The following GKAP1 variants were observed in gnomAD, a reference collection of about 807,000 sequenced individuals.
GKAP1 encodes G kinase-anchoring protein 1.
In GKAP1, 31 loss-of-function variants were observed where a neutral mutation model predicts 56.7. That is an observed-to-expected ratio of 0.55 (90% CI 0.41 to 0.74). The LOEUF (loss-of-function observed/expected upper bound fraction) is 0.74, where lower values mean the gene tolerates loss of function less well. GKAP1 is among the 30% of genes least tolerant of loss of function. The probability of loss-of-function intolerance (pLI) is 0.00; values close to 1 mark genes in which losing one functional copy is unlikely to be tolerated. For missense variants in GKAP1, 364 were observed against 402.3 expected (o/e 0.90, Z 0.82); for synonymous variants, 151 against 138.6 (o/e 1.09, Z -0.63).
At chr9:83,783,181 T>A (rs1010490557) in intron 6 of GKAP1, among the ~76,000 whole-genome samples, 6 of 152,218 alleles carry the variant, frequency 3.9e-5, no homozygotes, top group Admixed American at 2.0e-4. Context: ...GTAATATTTA[T>A]CCTCACAGAA....
intron 6 of GKAP1, among the ~76,000 whole-genome samples, 193 bp from the exon 7 acceptor site, chr9:83,780,597 A>G (rs1211471340): frequency 6.6e-6 from 1 of 152,132 alleles, no homozygotes; most frequent in Non-Finnish European, 1.5e-5. Context: ...AATTCAGTAT[A>G]TAATTACTAA....
At chr9:83,770,232 T>A (rs1943734460) in intron 7 of GKAP1, among the ~76,000 whole-genome samples, 1 of 152,200 alleles carries the variant, frequency 6.6e-6, no homozygotes, top group South Asian at 2.1e-4. Flanking sequence ...AAGAAACCAT[T>A]GCTTAACTCA....
intron 9 of GKAP1, among the ~76,000 whole-genome samples, chr9:83,750,005 A>G (rs1230230704): frequency 2.0e-5 from 3 of 152,178 alleles, no homozygotes; most frequent in African/African-American, 7.2e-5. Flanking sequence ...TACACTCGCT[A>G]TGAAATTCCC....
intron 7 of GKAP1, among the ~76,000 whole-genome samples, chr9:83,769,853 CCA>C (rs1247312664): frequency 1.3e-5 from 2 of 152,324 alleles, no homozygotes; most frequent in African/African-American, 4.8e-5. Context: ...TGCAATTTCT[CCA>C]CATTCTCATC....
chr9:83,801,773 A>G (rs1252269043), intron 3 of GKAP1, among the ~76,000 whole-genome samples: 1 of 152,166 alleles, frequency 6.6e-6, no homozygotes, highest in Non-Finnish European at 1.5e-5. Flanking sequence ...TTTCCCCCAA[A>G]TCATCTTAAT....
intron 3 of GKAP1, among the ~76,000 whole-genome samples, chr9:83,803,487 G>A (rs1288028093): frequency 2.0e-5 from 3 of 152,208 alleles, no homozygotes; most frequent in African/African-American, 7.2e-5. Context: ...GCTCCTAGCC[G>A]CGAGTGATCC....
chr9:83,807,062 C>G (rs1452994014), intron 2 of GKAP1, among the ~76,000 whole-genome samples: 2 of 152,082 alleles, frequency 1.3e-5, no homozygotes, highest in South Asian at 4.1e-4. Context: ...TTAGAACTGA[C>G]AGCAAAAATA....
At chr9:83,803,252 CCCTCTCGGTCT>C (rs977236851) in intron 3 of GKAP1, among the ~76,000 whole-genome samples, 5 of 150,006 alleles carry the variant, frequency 3.3e-5, no homozygotes, top group Non-Finnish European at 1.5e-5. Flanking sequence ...TCTCCCCTCT[CCCTCTCGGTCT>C]CCCTCTCCCT....
At chr9:83,777,628 T>C (rs183427846) in intron 7 of GKAP1, among the ~76,000 whole-genome samples, 109 of 152,210 alleles carry the variant, frequency 7.2e-4, no homozygotes, top group African/African-American at 2.5e-3. Context: ...CTGAATGTTA[T>C]CCAATAAATA....
intron 3 of GKAP1, among the ~76,000 whole-genome samples, chr9:83,801,306 A>C (rs1470024870): frequency 2.6e-5 from 4 of 152,100 alleles, no homozygotes; most frequent in African/African-American, 4.8e-5. Context: ...CAGAGAAGGA[A>C]TGGCCCTTTT....
At chr9:83,782,761 G>A (rs1353826790) in intron 6 of GKAP1, among the ~76,000 whole-genome samples, 2 of 145,968 alleles carry the variant, frequency 1.4e-5, no homozygotes, top group African/African-American at 2.5e-5. Context: ...CCACCTCCCC[G>A]GTTCAATAGA....
intron 6 of GKAP1, 88 bp downstream of exon 6, chr9:83,784,627 G>C (rs1298897046): frequency 3.1e-6 from 3 of 960,880 alleles, no homozygotes. Flanking sequence ...TTTACTTATT[G>C]TTTAAAAATT....
Position 83,769,011 on chromosome 9 carries a change from A to T in GKAP1, c.586-41T>A, listed in dbSNP as rs377285005. 16 of 1,528,416 alleles carry T rather than the reference A, an allele frequency of 1.0e-5. No individual in the cohort carries two copies. The African/African-American group carries it at 2.2e-4, about 21-fold the overall frequency. The allele number at this position is 1,528,416 out of a possible 1,614,324, so 94.7% of individuals were successfully genotyped here. On this transcript the variant is annotated intron_variant, in intron 7 of 12. Coordinates refer to ENST00000376371, the MANE Select transcript of GKAP1 (RefSeq NM_025211.4). ...TACGATTTACTATCATTCAACATGC[A>T]CTGATATGCATTTAATACACCTAGT...
At chr9:83,804,982 T>C (rs1944413721) in intron 3 of GKAP1, among the ~76,000 whole-genome samples, 1 of 152,034 alleles carries the variant, frequency 6.6e-6, no homozygotes, top group African/African-American at 2.4e-5. Flanking sequence ...CAACAGCTCA[T>C]TGAGAACGGG....
chr9:83,741,364 A>T (rs935197257), intron 12 of GKAP1, among the ~76,000 whole-genome samples: 7 of 60,674 alleles, frequency 1.2e-4, no homozygotes, highest in Admixed American at 5.3e-4. Context: ...TATCTCTCAC[A>T]CACACACACA....
chr9:83,800,186 GA>G (rs1944308233), intron 3 of GKAP1, among the ~76,000 whole-genome samples: 1 of 151,828 alleles, frequency 6.6e-6, no homozygotes, highest in South Asian at 2.1e-4. Context: ...TGAAACGAGA[GA>G]AAAATACTGA....
intron 9 of GKAP1, among the ~76,000 whole-genome samples, chr9:83,751,477 C>CA (rs1001434566): frequency 2.0e-5 from 3 of 150,620 alleles, no homozygotes; most frequent in Non-Finnish European, 4.4e-5. Flanking sequence ...GTGTCTAGTA[C>CA]AAAAAAAAGC....
intron 10 of GKAP1, 93 bp from the exon 11 acceptor site, chr9:83,742,693 G>T (rs1482427752): frequency 4.5e-6 from 3 of 671,518 alleles, no homozygotes; most frequent in African/African-American, 3.6e-5. Context: ...AGTGCAATTA[G>T]AACAATGATT....
chr9:83,808,658 T>A (rs1944470232), intron 2 of GKAP1, among the ~76,000 whole-genome samples: 1 of 152,228 alleles, frequency 6.6e-6, no homozygotes, highest in South Asian at 2.1e-4. Flanking sequence ...ACAATTATCC[T>A]ACATAGTTGT....
Sources: allele counts gnomAD v4.1 joint callset (sites outside exome capture counted in the v4.1 genomes callset), GRCh38; gene constraint gnomAD v4.1.1; transcripts MANE v1.5; gene names NCBI Gene and HGNC (gene_info 2026-07-23, HGNC 2026-07-21).